ASAP1: variants seen among roughly 807,000 people sequenced by gnomAD.
The protein encoded by ASAP1 is arf-GAP with SH3 domain, ANK repeat and PH domain-containing protein 1.
A neutral mutation model predicts 145.2 loss-of-function variants in ASAP1; 43 were observed. That is an observed-to-expected ratio of 0.30 (90% CI 0.23 to 0.38). ASAP1 has a LOEUF of 0.38. Ranked by LOEUF, ASAP1 falls within the 10% of genes least tolerant of loss-of-function variation. The pLI is 1.00. For missense variants in ASAP1, 1,018 were observed against 1,355.3 expected (o/e 0.75, Z 3.91); for synonymous variants, 546 against 515.5 (o/e 1.06, Z -0.80).
chr8:130,424,535 T>C (rs1829841064), intron 1 of ASAP1, among the ~76,000 whole-genome samples: 1 of 152,182 alleles, frequency 6.6e-6, no homozygotes, highest in Non-Finnish European at 1.5e-5. Flanking sequence ...TTTTAAACAA[T>C]TTAATCTTCC....
At chr8:130,440,435 A>T (rs1415773195) in intron 1 of ASAP1, among the ~76,000 whole-genome samples, 1 of 151,528 alleles carries the variant, frequency 6.6e-6, no homozygotes, top group Non-Finnish European at 1.5e-5. Flanking sequence ...TGAACCCAGG[A>T]GGCAGAGGTT....
intron 3 of ASAP1, among the ~76,000 whole-genome samples, chr8:130,293,236 A>C (rs1294413667): frequency 6.6e-6 from 1 of 152,214 alleles, no homozygotes; most frequent in Admixed American, 6.5e-5. Context: ...CAGATTCAGC[A>C]TTCTGAAGAT....
intron 5 of ASAP1, among the ~76,000 whole-genome samples, chr8:130,212,525 G>A (rs535936564): frequency 2.0e-5 from 3 of 152,270 alleles, no homozygotes; most frequent in African/African-American, 7.2e-5. Context: ...GTTCAAGTCT[G>A]TAACACATAC....
At chr8:130,237,631 C>T (rs138023747) in intron 3 of ASAP1, among the ~76,000 whole-genome samples, 3 of 152,070 alleles carry the variant, frequency 2.0e-5, no homozygotes, top group African/African-American at 4.8e-5. Context: ...TGAATCAACA[C>T]ATTAATCTAC....
chr8:130,286,363 C>A (rs183912271), intron 3 of ASAP1, among the ~76,000 whole-genome samples: 1 of 150,492 alleles, frequency 6.6e-6, no homozygotes, highest in East Asian at 2.0e-4. Context: ...TATCTCACTG[C>A]GTATATGACA....
At chr8:130,224,634 G>A (rs147190164) in intron 4 of ASAP1, among the ~76,000 whole-genome samples, 4 of 152,016 alleles carry the variant, frequency 2.6e-5, no homozygotes, top group Admixed American at 1.3e-4. Flanking sequence ...CGACCACCAT[G>A]GCTTGCTTTT....
At chr8:130,283,587 G>GAAAAAAAAAAAAA (rs71304303) in intron 3 of ASAP1, among the ~76,000 whole-genome samples, 59 of 20,868 alleles carry the variant, frequency 2.8e-3, no homozygotes, top group African/African-American at 9.9e-3. Context: ...ATCACAGAAA[G>GAAAAAAAAAAAAA]AAAAAAAAAA....
At chr8:130,325,419 A>G (rs1023951868) in intron 3 of ASAP1, among the ~76,000 whole-genome samples, 8 of 152,252 alleles carry the variant, frequency 5.3e-5, no homozygotes, top group Admixed American at 5.2e-4. Context: ...TAACCACACC[A>G]CAAGTATCCT....
At chr8:130,264,022 AG>A (rs1820097571) in intron 3 of ASAP1, among the ~76,000 whole-genome samples, 1 of 152,222 alleles carries the variant, frequency 6.6e-6, no homozygotes, top group African/African-American at 2.4e-5. Flanking sequence ...ACTAGTGAGG[AG>A]GAAAAAACCA....
chr8:130,205,590 G>GTTT (rs1816165144), intron 5 of ASAP1, among the ~76,000 whole-genome samples: 1 of 82,774 alleles, frequency 1.2e-5, no homozygotes, highest in African/African-American at 4.4e-5. Flanking sequence ...AAAATACACG[G>GTTT]CTTTTTTTTT....
chr8:130,166,131 C>G (rs2097679386), intron 11 of ASAP1, among the ~76,000 whole-genome samples: 1 of 152,114 alleles, frequency 6.6e-6, no homozygotes, highest in Admixed American at 6.5e-5. Context: ...CTCAGCTTCC[C>G]TAGTAGCTGG....
chr8:130,293,931 T>TCC (rs1041598505), intron 3 of ASAP1, among the ~76,000 whole-genome samples: 1 of 152,160 alleles, frequency 6.6e-6, no homozygotes, highest in African/African-American at 2.4e-5. Context: ...AAACAGACTT[T>TCC]CCTCCTGCCA....
intron 1 of ASAP1, among the ~76,000 whole-genome samples, chr8:130,421,766 T>C (rs928273820): frequency 6.6e-6 from 1 of 152,212 alleles, no homozygotes; most frequent in Admixed American, 6.5e-5. Context: ...ATAAACATCG[T>C]GGGGACTATT....
At chr8:130,167,774 T>C (rs1239237376) in intron 10 of ASAP1, 152 bp from the exon 11 acceptor site, 1 of 605,846 alleles carries the variant, frequency 1.7e-6, no homozygotes, top group Non-Finnish European at 2.9e-6. Context: ...ATATGATATT[T>C]CTCATCTTAT....
intron 5 of ASAP1, among the ~76,000 whole-genome samples, chr8:130,198,544 G>C (rs995977304): frequency 6.6e-6 from 1 of 152,150 alleles, no homozygotes; most frequent in Admixed American, 6.5e-5. Flanking sequence ...ATTATACTGT[G>C]TTCTAATCTA....
chr8:130,440,504 CAAA>C (rs1306930658), intron 1 of ASAP1, among the ~76,000 whole-genome samples: 3 of 111,678 alleles, frequency 2.7e-5, no homozygotes, highest in Admixed American at 9.6e-5. Flanking sequence ...TAGACTCTGT[CAAA>C]AAAAAAAAAA....
rs148375785 is a variant in ASAP1 at position 130,349,521 on chromosome 8, T to C, written c.186+8496A>G. On this transcript the variant is annotated intron_variant, in intron 3 of 29. Transcript: ENST00000518721. ...ACTGAGAGGTAGGTACTTATCCCCATGAGGAAAGTAGGACACAGTAAGGCT... is the reference window on the plus strand; with the variant it reads ...ACTGAGAGGTAGGTACTTATCCCCACGAGGAAAGTAGGACACAGTAAGGCT... Among the ~76,000 whole-genome samples the C allele has an allele frequency of 1.2e-4, 18 of 152,296 alleles. No individual in the cohort carries two copies. In the East Asian group the frequency reaches 3.3e-3, roughly 28 times the overall value.
intron 3 of ASAP1, among the ~76,000 whole-genome samples, chr8:130,299,450 T>A (rs901114218): frequency 1.3e-5 from 2 of 152,204 alleles, no homozygotes; most frequent in African/African-American, 4.8e-5. Flanking sequence ...TCTACTGCCG[T>A]CTTGGTTGTA....
intron 24 of ASAP1, among the ~76,000 whole-genome samples, chr8:130,107,818 G>T (rs2097540135): frequency 6.6e-6 from 1 of 152,276 alleles, no homozygotes; most frequent in Non-Finnish European, 1.5e-5. Context: ...CACAGTGCTG[G>T]GATTACAGGC....
Sources: allele counts gnomAD v4.1 joint callset (sites outside exome capture counted in the v4.1 genomes callset), GRCh38; gene constraint gnomAD v4.1.1; transcripts MANE v1.5; gene names NCBI Gene and HGNC (gene_info 2026-07-23, HGNC 2026-07-21).